Variants in RPS6KC1 observed in about 807,000 individuals in gnomAD.
RPS6KC1 encodes the protein ribosomal protein S6 kinase C1, also known as inactive ribosomal protein S6 kinase delta-1.
Under a neutral mutation model 103.8 loss-of-function variants are expected in RPS6KC1, and 54 were observed. The ratio of observed to expected loss-of-function variants is 0.52; its 90% confidence interval spans 0.42 to 0.65. The LOEUF (loss-of-function observed/expected upper bound fraction) is 0.65. Ranked by LOEUF, RPS6KC1 falls within the 30% of genes least tolerant of loss-of-function variation. RPS6KC1 has a pLI of 0.00. For synonymous variants in RPS6KC1, 439 were observed against 438.7 expected (o/e 1.00, Z -0.01); for missense variants, 1,151 against 1,253.8 (o/e 0.92, Z 1.24).
At chr1:213,814,902 A>T in the RPS6KC1 span, among the ~76,000 whole-genome samples, 1 of 152,296 alleles carries the variant, frequency 6.6e-6, no homozygotes, top group East Asian at 1.9e-4. Context: ...ATTGAATGAG[A>T]CAGCAAACTC....
intron 4 of RPS6KC1, among the ~76,000 whole-genome samples, chr1:213,112,139 G>A (rs1389329152): frequency 1.3e-5 from 2 of 152,128 alleles, no homozygotes; most frequent in African/African-American, 4.8e-5. Flanking sequence ...AAGTAGAGAG[G>A]AAATGGGGGC....
the RPS6KC1 span, among the ~76,000 whole-genome samples, chr1:213,744,460 T>A: frequency 6.6e-6 from 1 of 152,172 alleles, no homozygotes; most frequent in Non-Finnish European, 1.5e-5. Context: ...TATTGCCCCC[T>A]CCAAAATATT....
At chr1:213,578,009 C>G in the RPS6KC1 span, among the ~76,000 whole-genome samples, 4 of 152,236 alleles carry the variant, frequency 2.6e-5, no homozygotes, top group African/African-American at 9.6e-5. Context: ...CAGCCCCAAG[C>G]TGGGGGGCCT....
chr1:213,678,640 G>T, the RPS6KC1 span, among the ~76,000 whole-genome samples: 1 of 152,166 alleles, frequency 6.6e-6, no homozygotes, highest in African/African-American at 2.4e-5. Context: ...GACATACTGA[G>T]TCAGGGTTCC....
the RPS6KC1 span, among the ~76,000 whole-genome samples, chr1:213,466,833 A>G: frequency 3.9e-5 from 6 of 152,262 alleles, no homozygotes; most frequent in African/African-American, 1.2e-4. Flanking sequence ...TCTGACAGGC[A>G]GGTCATTGCT....
the RPS6KC1 span, among the ~76,000 whole-genome samples, chr1:213,373,998 C>A: frequency 6.6e-6 from 1 of 152,036 alleles, no homozygotes; most frequent in Non-Finnish European, 1.5e-5. Flanking sequence ...GTATTCCTGA[C>A]TGGTAATATA....
chr1:213,325,861 C>G, the RPS6KC1 span, among the ~76,000 whole-genome samples: 1 of 152,212 alleles, frequency 6.6e-6, no homozygotes, highest in Non-Finnish European at 1.5e-5. Context: ...CTTTCGTTCA[C>G]AGGATCATGT....
chr1:213,739,988 C>G, the RPS6KC1 span, among the ~76,000 whole-genome samples: 1 of 151,948 alleles, frequency 6.6e-6, no homozygotes, highest in African/African-American at 2.4e-5. Context: ...GTGACCAATC[C>G]AGGGTGGAGC....
chr1:213,648,042 C>T, the RPS6KC1 span, among the ~76,000 whole-genome samples: 1 of 152,120 alleles, frequency 6.6e-6, no homozygotes, highest in African/African-American at 2.4e-5. Flanking sequence ...AACAACTTAG[C>T]TTTGAAAAAG....
At chr1:213,167,468 AC>A (rs1558462308) in intron 6 of RPS6KC1, among the ~76,000 whole-genome samples, 68 of 143,142 alleles carry the variant, frequency 4.8e-4, no homozygotes, top group East Asian at 2.6e-3. Flanking sequence ...ACACACACAC[AC>A]ACACACACAC....
intron 8 of RPS6KC1, among the ~76,000 whole-genome samples, chr1:213,220,795 T>C (rs2093811345): frequency 6.6e-6 from 1 of 152,250 alleles, no homozygotes; most frequent in African/African-American, 2.4e-5. Flanking sequence ...TTACAATAAA[T>C]GTATGCCAGT....
the RPS6KC1 span, among the ~76,000 whole-genome samples, chr1:213,344,231 T>C: frequency 2.0e-5 from 3 of 152,070 alleles, no homozygotes; most frequent in Non-Finnish European, 4.4e-5. Context: ...TCAGTACAAG[T>C]TAGAAAAAGG....
chr1:213,681,562 C>T, the RPS6KC1 span, among the ~76,000 whole-genome samples: 9 of 151,922 alleles, frequency 5.9e-5, no homozygotes, highest in Non-Finnish European at 1.0e-4. Flanking sequence ...CTTTGGAGGC[C>T]GAGGCAGGAG....
chr1:213,364,263 A>G, the RPS6KC1 span, among the ~76,000 whole-genome samples: 70 of 152,348 alleles, frequency 4.6e-4, no homozygotes, highest in African/African-American at 1.4e-3. Flanking sequence ...GATTCAATCT[A>G]TAATATCTGC....
the RPS6KC1 span, among the ~76,000 whole-genome samples, chr1:213,421,092 G>A: frequency 1.3e-5 from 2 of 152,098 alleles, no homozygotes; most frequent in African/African-American, 2.4e-5. Flanking sequence ...GAGGTACTAG[G>A]GGTTAGGATT....
intron 8 of RPS6KC1, among the ~76,000 whole-genome samples, chr1:213,216,472 A>C (rs1184974038): frequency 6.6e-6 from 1 of 152,192 alleles, no homozygotes; most frequent in African/African-American, 2.4e-5. Context: ...CAAGACAGAA[A>C]GTTAACAAGG....
intron 10 of RPS6KC1, among the ~76,000 whole-genome samples, chr1:213,233,936 A>C (rs1343451551): frequency 6.6e-6 from 1 of 152,024 alleles, no homozygotes; most frequent in African/African-American, 2.4e-5. Context: ...TTAATTAAAT[A>C]TTCAGCAAAT....
the RPS6KC1 span, among the ~76,000 whole-genome samples, chr1:213,317,597 T>G: frequency 2.0e-5 from 3 of 152,164 alleles, no homozygotes; most frequent in Non-Finnish European, 2.9e-5. Flanking sequence ...CATCAATGTA[T>G]GAATTTGGGG....
At chr1:213,430,968 C>T in the RPS6KC1 span, among the ~76,000 whole-genome samples, 1 of 151,786 alleles carries the variant, frequency 6.6e-6, no homozygotes, top group East Asian at 1.9e-4. Flanking sequence ...TGAATTCGCG[C>T]TTGCCGTTGT....
Sources: gnomAD v4.1 joint callset for allele counts (sites outside exome capture counted in the v4.1 genomes callset) on GRCh38, gnomAD v4.1.1 for gene constraint, MANE v1.5 for transcripts, NCBI Gene and HGNC (gene_info 2026-07-23, HGNC 2026-07-21) for gene names.